Variants in DLC1 observed in about 807,000 individuals in gnomAD.
DLC1 encodes DLC1 Rho GTPase activating protein.
DLC1 carries 54 observed loss-of-function variants against 140.3 expected under a neutral mutation model. The observed-to-expected ratio is 0.38, with a 90% confidence interval of 0.31 to 0.48. The LOEUF is 0.48. Ranked by LOEUF, DLC1 falls within the 20% of genes least tolerant of loss-of-function variation. The pLI is 0.96. For synonymous variants in DLC1, 986 were observed against 728.1 expected (o/e 1.35, Z -5.70); for missense variants, 2,536 against 1,907.0 (o/e 1.33, Z -6.14).
intron 13 of DLC1, 35 bp downstream of exon 13, chr8:13,092,575 GCC>G (rs769550422): frequency 5.1e-6 from 8 of 1,581,080 alleles, no homozygotes; most frequent in East Asian, 2.4e-5. Context: ...AATGTAGGCT[GCC>G]CCCTGTGTGC....
intron 5 of DLC1, among the ~76,000 whole-genome samples, chr8:13,186,063 C>G (rs1826353288): frequency 6.6e-6 from 1 of 152,120 alleles, no homozygotes; most frequent in African/African-American, 2.4e-5. Context: ...CGACCTTTCT[C>G]TCTGGCTGCC....
chr8:13,403,807 G>GTTTTTTTT (rs369715973), intron 2 of DLC1, among the ~76,000 whole-genome samples: 1 of 87,296 alleles, frequency 1.1e-5, no homozygotes, highest in African/African-American at 4.6e-5. Context: ...AGGTCTGGCT[G>GTTTTTTTT]TTTTTTTTTT....
intron 2 of DLC1, among the ~76,000 whole-genome samples, chr8:13,426,577 C>T (rs902990811): frequency 6.6e-6 from 1 of 152,056 alleles, no homozygotes; most frequent in African/African-American, 2.4e-5. Flanking sequence ...TCAGAAGGTC[C>T]CAGAATTTAA....
intron 5 of DLC1, among the ~76,000 whole-genome samples, chr8:13,207,712 G>A (rs1194851545): frequency 1.3e-5 from 2 of 152,128 alleles, no homozygotes; most frequent in Non-Finnish European, 2.9e-5. Flanking sequence ...ATTTGGCAGT[G>A]TCTGGAGAGG....
At chr8:13,560,457 C>T (rs1270848773) in intron 1 of DLC1, among the ~76,000 whole-genome samples, 1 of 80,006 alleles carries the variant, frequency 1.2e-5, no homozygotes, top group Admixed American at 1.1e-4. Flanking sequence ...AATAAAGATA[C>T]TTCTTAATGA....
At chr8:13,546,271 A>C (rs1033971739) in intron 1 of DLC1, among the ~76,000 whole-genome samples, 15 of 152,110 alleles carry the variant, frequency 9.9e-5, no homozygotes, top group African/African-American at 3.6e-4. Flanking sequence ...CTTCAATTTA[A>C]TGTCCAAGCA....
Position 13,534,924 on chromosome 8 carries a change from C to G in DLC1, c.-125-34728G>C, listed in dbSNP as rs573781867. Among the ~76,000 whole-genome samples, 16 of 152,136 alleles carry G rather than the reference C, an allele frequency of 1.1e-4. 1 individual carries two copies. In the South Asian group the frequency reaches 3.1e-3, roughly 30 times the overall value. On this transcript the variant is annotated intron_variant, in intron 1 of 1. Transcript: ENST00000631382. ...CTGCCCTTTGCAACACTGGCCCACA[C>G]TCCTCTAACTGATGTAGTACAGCTG...
At position 13,435,023 on chromosome 8, in the gene DLC1, C is replaced by G. The variant is rs184392077; in HGVS notation, c.1024-33404G>C. Among the ~76,000 whole-genome samples the G allele has an allele frequency of 4.4e-3, 663 of 152,238 alleles. 2 individuals are homozygous for G. Among genetic ancestry groups the G allele is most frequent in the Non-Finnish European group, 6.9e-3 (467 of 68,018 alleles). ...AGAAATACATTTTGTAAGGCTATAG[C>G]TGCCATGGATAGAATTTCTTTGATA... On this transcript the variant is annotated intron_variant, in intron 2 of 17. Coordinates refer to ENST00000276297, the MANE Select transcript of DLC1 (RefSeq NM_182643.3).
At chr8:13,188,840 TA>T (rs1826567109) in intron 5 of DLC1, among the ~76,000 whole-genome samples, 14 of 30,578 alleles carry the variant, frequency 4.6e-4, no homozygotes, top group African/African-American at 1.4e-3. Flanking sequence ...TATATATATA[TA>T]TATTTTTTTT....
chr8:13,346,032 T>G (rs910479814), intron 4 of DLC1, among the ~76,000 whole-genome samples: 1 of 152,242 alleles, frequency 6.6e-6, no homozygotes, highest in Non-Finnish European at 1.5e-5. Context: ...AGTTTTGCAC[T>G]GTGCATTTGT....
intron 5 of DLC1, among the ~76,000 whole-genome samples, chr8:13,195,773 G>A (rs1827010128): frequency 6.6e-6 from 1 of 152,090 alleles, no homozygotes; most frequent in African/African-American, 2.4e-5. Flanking sequence ...TCAAGAAGAG[G>A]GTTGATGGCC....
At chr8:13,199,074 A>G (rs1276500092) in intron 5 of DLC1, among the ~76,000 whole-genome samples, 1 of 151,998 alleles carries the variant, frequency 6.6e-6, no homozygotes, top group African/African-American at 2.4e-5. Flanking sequence ...AGCAACTTAC[A>G]GCTTAAAAGA....
chr8:13,247,641 A>G (rs955099868), intron 5 of DLC1, among the ~76,000 whole-genome samples: 8 of 152,164 alleles, frequency 5.3e-5, no homozygotes, highest in South Asian at 4.1e-4. Context: ...CATGCTCTCA[A>G]TTGTCGCATG....
intron 14 of DLC1, among the ~76,000 whole-genome samples, chr8:13,090,793 T>TTTTC (rs1366889996): frequency 1.4e-5 from 2 of 144,360 alleles, no homozygotes; most frequent in South Asian, 2.3e-4. Flanking sequence ...ATTTGTTGCT[T>TTTTC]TTTCTTTCTT....
intron 4 of DLC1, chr8:13,342,183 C>T (rs1287072474): frequency 6.6e-6 from 1 of 152,136 alleles, no homozygotes; most frequent in African/African-American, 2.4e-5. Flanking sequence ...TAAATATGAA[C>T]TACATGACAG....
intron 5 of DLC1, among the ~76,000 whole-genome samples, chr8:13,134,445 A>G (rs1822400683): frequency 6.6e-6 from 1 of 152,224 alleles, no homozygotes; most frequent in African/African-American, 2.4e-5. Flanking sequence ...ATGCATAACA[A>G]ACAAAATAAA....
chr8:13,175,770 C>G (rs1825726726), intron 5 of DLC1, among the ~76,000 whole-genome samples: 1 of 152,108 alleles, frequency 6.6e-6, no homozygotes, highest in African/African-American at 2.4e-5. Context: ...ATGCTTAATA[C>G]ATGTATATAT....
chr8:13,265,264 A>G (rs145299790), intron 5 of DLC1, among the ~76,000 whole-genome samples: 1 of 152,202 alleles, frequency 6.6e-6, no homozygotes, highest in Non-Finnish European at 1.5e-5. Context: ...AGGGCGAAGA[A>G]AGCATTTACA....
chr8:13,545,718 C>T (rs1022931029), intron 1 of DLC1, among the ~76,000 whole-genome samples: 2 of 151,858 alleles, frequency 1.3e-5, no homozygotes, highest in African/African-American at 4.8e-5. Flanking sequence ...CCTGGCTGAA[C>T]CATTTGTGCT....
Sources: gnomAD v4.1 joint callset for allele counts (sites outside exome capture counted in the v4.1 genomes callset) on GRCh38, gnomAD v4.1.1 for gene constraint, MANE v1.5 for transcripts, NCBI Gene and HGNC (gene_info 2026-07-23, HGNC 2026-07-21) for gene names.